The following ATAD2 variants were observed in gnomAD, a reference collection of about 807,000 sequenced individuals.
ATAD2 encodes the protein ATPase family AAA domain-containing protein 2.
In ATAD2, 62 loss-of-function variants were observed where a neutral mutation model predicts 168.9. That is an observed-to-expected ratio of 0.37 (90% CI 0.30 to 0.45). The LOEUF is 0.45. Ranked by LOEUF, ATAD2 falls within the 20% of genes least tolerant of loss-of-function variation. The pLI is 1.00. For missense variants in ATAD2, 1,419 were observed against 1,667.8 expected (o/e 0.85, Z 2.60); for synonymous variants, 613 against 571.6 (o/e 1.07, Z -1.03).
intron 16 of ATAD2, 123 bp from the exon 17 acceptor site, chr8:123,346,873 G>C: frequency 8.5e-7 from 1 of 1,183,004 alleles, no homozygotes; most frequent in East Asian, 2.5e-5. Context: ...TATTTGTGTA[G>C]ATATGAATTA....
intron 1 of ATAD2, among the ~76,000 whole-genome samples, chr8:123,388,064 A>G (rs1163886200): frequency 6.6e-6 from 1 of 152,208 alleles, no homozygotes; most frequent in Non-Finnish European, 1.5e-5. Context: ...AAACCACTTC[A>G]CCATCTACTC....
rs59837172 is a variant in ATAD2 at position 123,402,815 on chromosome 8, CAAT to C, written c.-2281-1643_-2281-1641del. On this transcript the variant is annotated intron_variant, in intron 1 of 28. Transcript: ENST00000521903. The surrounding 1 kb of genome is among the most constrained non-coding windows in gnomAD (Gnocchi z 4.8). ...GAATAAATCAAGCAGGTCTCAATGC[CAAT>C]AATAATAATAATAATAATAATAATA... Among the ~76,000 whole-genome samples, 28 of 51,742 alleles carry C rather than the reference CAAT, an allele frequency of 5.4e-4. No homozygotes were observed. The highest frequency in any genetic ancestry group is 8.6e-4 in the Admixed American group (3 of 3,502). The allele number at this position is 51,742 out of a possible 152,430, so 33.9% of individuals were successfully genotyped here. A position where few individuals can be genotyped will look rare whatever the true frequency, so the allele number is the denominator to read the frequency against.
At chr8:123,386,536 A>C (rs1714388868) in intron 1 of ATAD2, among the ~76,000 whole-genome samples, 1 of 152,158 alleles carries the variant, frequency 6.6e-6, no homozygotes, top group Non-Finnish European at 1.5e-5. Flanking sequence ...TAAGTGTTTA[A>C]TGGGTACAGA....
At chr8:123,406,622 G>T (rs1813070933) in intron 1 of ATAD2, among the ~76,000 whole-genome samples, 1 of 151,830 alleles carries the variant, frequency 6.6e-6, no homozygotes, top group South Asian at 2.1e-4. Context: ...TTCAAGACCA[G>T]CCTGGGCAAC....
chr8:123,401,263 C>T (rs746347601), upstream of ATAD2: 17 of 1,004,912 alleles, frequency 1.7e-5, no homozygotes, highest in South Asian at 6.5e-5. Context: ...CCTGAAGAAC[C>T]GAGACTACCC....
chr8:123,321,845 T>C (rs1387962925), intron 27 of ATAD2, among the ~76,000 whole-genome samples: 3 of 152,124 alleles, frequency 2.0e-5, no homozygotes, highest in African/African-American at 4.8e-5. Flanking sequence ...TGAGGCAGGA[T>C]TGCCTGAGCT....
upstream of ATAD2, among the ~76,000 whole-genome samples, chr8:123,399,191 G>A (rs1812966280): frequency 6.6e-6 from 1 of 151,990 alleles, no homozygotes; most frequent in South Asian, 2.1e-4. Flanking sequence ...GAACCTGGGA[G>A]GCAGAGGTTG....
rs144925048 is a variant in ATAD2 at position 123,325,262 on chromosome 8, A to G, written c.4002+631T>C. Among the ~76,000 whole-genome samples, 24 of 150,006 alleles carry G rather than the reference A, an allele frequency of 1.6e-4. No individual in the cohort carries two copies. The East Asian group carries it at 4.7e-3, about 29-fold the overall frequency. Reference sequence around the variant, plus strand: ...CAGGTGCCCACCACCACACCTAACTAATTTTTTGTTTTATCTATTATTTAT... The same window carrying G: ...CAGGTGCCCACCACCACACCTAACTGATTTTTTGTTTTATCTATTATTTAT... On this transcript the variant is annotated intron_variant, in intron 26 of 27. Transcript: ENST00000287394.
At chr8:123,412,912 C>T (rs1262824780) in intron 1 of ATAD2, among the ~76,000 whole-genome samples, 1 of 152,116 alleles carries the variant, frequency 6.6e-6, no homozygotes, top group African/African-American at 2.4e-5. Flanking sequence ...GCTCAAAGCT[C>T]CCAGGAAAAT....
intron 21 of ATAD2, 74 bp from the exon 22 acceptor site, chr8:123,336,606 G>A (rs1390802622): frequency 1.8e-6 from 2 of 1,132,050 alleles, no homozygotes; most frequent in Non-Finnish European, 1.2e-6. Context: ...TCGATGCCAG[G>A]CAATATAGGA....
chr8:123,389,984 A>ATATATATAT (rs1232318597), intron 1 of ATAD2, among the ~76,000 whole-genome samples: 1 of 115,186 alleles, frequency 8.7e-6, no homozygotes, highest in East Asian at 2.3e-4. Flanking sequence ...ATATATATAT[A>ATATATATAT]TTTTTTTTTT....
At chr8:123,331,085 C>T (rs1827763720) in intron 24 of ATAD2, among the ~76,000 whole-genome samples, 1 of 152,094 alleles carries the variant, frequency 6.6e-6, no homozygotes, top group African/African-American at 2.4e-5. Context: ...GGATTACAGG[C>T]GTGCACCACC....
intron 13 of ATAD2, 90 bp from the exon 14 acceptor site, chr8:123,349,534 C>T: frequency 7.9e-7 from 1 of 1,265,420 alleles, no homozygotes. Flanking sequence ...AGATTTAACG[C>T]ATTACATGTG....
At chr8:123,342,686 T>C (rs955064749) in intron 19 of ATAD2, among the ~76,000 whole-genome samples, 4 of 152,190 alleles carry the variant, frequency 2.6e-5, no homozygotes, top group Admixed American at 2.0e-4. Flanking sequence ...TTCTAATATA[T>C]ACTTAATATT....
chr8:123,359,223 T>G lies in ATAD2; in HGVS notation c.1380A>C (p.Pro460=), dbSNP rs1405301356. The change falls in exon 11 of 28, where the codon CCA becomes CCC. Residue 460 remains proline, a splice_region_variant and synonymous_variant. Transcript: ENST00000287394. Reference sequence around the variant, plus strand: ...AATTAAAAATATAATTAAATTACCTTGGGGGTTGAATTTTAAATTTTTCAA... The same window carrying G: ...AATTAAAAATATAATTAAATTACCTGGGGGGTTGAATTTTAAATTTTTCAA... ...EVFEKFKIQP[P]RGCLFYGPPG... The G allele has an allele frequency of 4.5e-6, 7 of 1,561,388 alleles. No individual in the cohort carries two copies. The highest frequency in any genetic ancestry group is 2.7e-5 in the African/African-American group (2 of 72,774).
At chr8:123,401,237 T>C, upstream of ATAD2, 1 of 911,912 alleles carries the variant, frequency 1.1e-6, no homozygotes, top group Non-Finnish European at 1.8e-6. Flanking sequence ...CTGGTGGCCA[T>C]CATTGCCCTC....
At chr8:123,324,341 T>C (rs375042107) in intron 26 of ATAD2, among the ~76,000 whole-genome samples, 32 of 152,218 alleles carry the variant, frequency 2.1e-4, no homozygotes, top group African/African-American at 5.8e-4. Context: ...ACAAATAATG[T>C]ATCTCTGATA....
chr8:123,320,417 T>C lies in ATAD2; in HGVS notation c.*717A>G, dbSNP rs1309729032. 2.6e-5 allele frequency: 4 copies of C among 152,126 alleles called. No individual in the cohort carries two copies. Among genetic ancestry groups the C allele is most frequent in the African/African-American group, 7.2e-5 (3 of 41,448 alleles). 9.4% of individuals were successfully genotyped at this position (152,126 alleles called of 1,614,324 possible). On this transcript the variant is annotated 3_prime_UTR_variant, in exon 28 of 28. Transcript: ENST00000287394. The stretch of plus-strand genomic sequence containing the variant: ...GAAAGATATCAACAGCTTGCAAATA[T>C]AAAAACCTTGTGCTATTAAAAGGTG...
At position 123,380,648 on chromosome 8, in the gene ATAD2, G is replaced by C; in HGVS notation, c.201C>G (p.Thr67=). The stretch of plus-strand genomic sequence containing the variant: ...ATCTTAAAGCACGTGTCCGGTGGTA[G>C]GTTTCAACTTCCTTAACTGATGACC... ...GDGSSVKEVE[T]YHRTRALRSL... The change falls in exon 2 of 28, where the codon ACC becomes ACG. Residue 67 remains threonine (T), a synonymous_variant. Transcript: ENST00000287394. 2 of 1,613,880 alleles carry C rather than the reference G, an allele frequency of 1.2e-6. No individual in the cohort carries two copies. The highest frequency in any genetic ancestry group is 1.7e-6 in the Non-Finnish European group (2 of 1,179,920).
Sources: gnomAD v4.1 joint callset for allele counts (sites outside exome capture counted in the v4.1 genomes callset) on GRCh38, gnomAD v4.1.1 for gene constraint, Gnocchi (gnomAD v3.1) non-coding constraint, MANE v1.5 for transcripts, NCBI Gene and HGNC (gene_info 2026-07-23, HGNC 2026-07-21) for gene names.